ADGRG7: variants seen among roughly 807,000 people sequenced by gnomAD.
ADGRG7 encodes adhesion G protein-coupled receptor G7.
In ADGRG7, 82 loss-of-function variants were observed where a neutral mutation model predicts 88.6. The ratio of observed to expected loss-of-function variants is 0.93; its 90% CI spans 0.77 to 1.11. The LOEUF (loss-of-function observed/expected upper bound fraction) is 1.11. Ranked by LOEUF, ADGRG7 falls within the 50% of genes most tolerant of loss-of-function variation. The probability of loss-of-function intolerance (pLI) is 0.00; values close to 1 mark genes in which losing one functional copy is unlikely to be tolerated. For missense variants in ADGRG7, 945 were observed against 953.4 expected (o/e 0.99, Z 0.12); for synonymous variants, 381 against 345.2 (o/e 1.10, Z -1.15).
intron 15 of ADGRG7, among the ~76,000 whole-genome samples, chr3:100,689,279 G>A (rs531670186): frequency 0.032 from 4,920 of 152,136 alleles, 269 homozygotes; most frequent in African/African-American, 0.11. Flanking sequence ...GTCTCTGCAC[G>A]TGAGATGTGT....
In ADGRG7 at chr3:100,638,348, C is replaced by T. The variant is rs184899715; in HGVS notation, c.698+946C>T. Among the ~76,000 whole-genome samples, 32 of 152,278 alleles carry T rather than the reference C, an allele frequency of 2.1e-4. No individual in the cohort carries two copies. In the East Asian group the frequency reaches 6.2e-3, roughly 29 times the overall value. ...GAAAGTGGGTGGGAAGGGCAGGTTG[C>T]TCTCCCCTGAAGTCAAGTCACCTCT... On this transcript the variant is annotated intron_variant, in intron 6 of 15. Coordinates refer to ENST00000273352, the MANE Select transcript of ADGRG7 (RefSeq NM_032787.3).
At position 100,653,696 on chromosome 3, in the gene ADGRG7, T is replaced by C. The variant is rs948754823; in HGVS notation, c.1380-1139T>C. ...GTCTTGCTGGAGTCTTGCAGTCAGA[T>C]GGCGGCTGGGCCAGAGTCATCTGGA... On this transcript the variant is annotated intron_variant, in intron 11 of 15. Transcript: ENST00000273352. 2.6e-5 allele frequency among the ~76,000 whole-genome samples: 4 copies of C among 152,216 alleles called. No homozygotes were observed. In the South Asian group the frequency reaches 8.3e-4, roughly 31 times the overall value.
Position 100,669,059 on chromosome 3 carries a change from TCAGG to T in ADGRG7, c.2091_2094del (p.Arg698SerfsTer37). 6.2e-7 allele frequency: 1 copy of T among 1,601,920 alleles called. No homozygotes were observed. The highest frequency in any genetic ancestry group is 8.5e-7 in the Non-Finnish European group (1 of 1,174,932). On this transcript the variant is annotated frameshift_variant, in exon 15 of 16. Transcript: ENST00000273352. LOFTEE classifies it high-confidence loss of function. ...CTGATGCTAGTTAATGATGATAGCA[TCAGG>T]ATCGTCTTCAGCTACATATTCTGCC...
At chr3:100,618,100 T>G (rs914136074) in intron 1 of ADGRG7, among the ~76,000 whole-genome samples, 4 of 152,204 alleles carry the variant, frequency 2.6e-5, no homozygotes, top group African/African-American at 9.6e-5. Context: ...GAGTTCATTG[T>G]AGATTCTGGA....
chr3:100,677,606 G>A (rs1339796011), intron 15 of ADGRG7, among the ~76,000 whole-genome samples: 2 of 151,986 alleles, frequency 1.3e-5, no homozygotes, highest in Non-Finnish European at 2.9e-5. Flanking sequence ...TGTAGGTCAG[G>A]GCTGGTGTTG....
chr3:100,639,124 T>A (rs1156995931), intron 6 of ADGRG7, among the ~76,000 whole-genome samples: 2 of 152,026 alleles, frequency 1.3e-5, no homozygotes, highest in African/African-American at 4.8e-5. Context: ...CCTTACAAAC[T>A]TTTTTCTGTA....
intron 15 of ADGRG7, among the ~76,000 whole-genome samples, chr3:100,671,896 T>A (rs532841753): frequency 7.2e-5 from 11 of 152,280 alleles, no homozygotes; most frequent in Non-Finnish European, 1.0e-4. Context: ...GAGGCCTCTA[T>A]TCTGTTCCAT....
rs1312468247 is a variant in ADGRG7 at position 100,643,596 on chromosome 3, A to G, written c.909A>G (p.Ala303=). Residue 303 remains alanine (A), a synonymous_variant, in exon 8 of 16, where the codon GCA becomes GCG. Coordinates refer to ENST00000273352, the MANE Select transcript of ADGRG7 (RefSeq NM_032787.3). ...HTNVDGLNPD[A]QTELQVLLNM... ...ATGTGGATGGCCTTAACCCAGATGC[A>G]CAGACTGAGCTTCAGGTCTTGCTTA... 2.5e-6 allele frequency: 4 copies of G among 1,613,936 alleles called. No homozygotes were observed. Among genetic ancestry groups the G allele is most frequent in the South Asian group, 1.1e-5 (1 of 91,020 alleles).
intron 1 of ADGRG7, among the ~76,000 whole-genome samples, chr3:100,612,943 G>T (rs1182500976): frequency 6.6e-6 from 1 of 152,228 alleles, no homozygotes; most frequent in Admixed American, 6.5e-5. Flanking sequence ...AGGCTGGACT[G>T]TGGTGGCATG....
At chr3:100,635,874 G>T (rs764309882) in intron 5 of ADGRG7, 48 bp downstream of exon 5, 1 of 1,379,152 alleles carries the variant, frequency 7.3e-7, no homozygotes, top group Non-Finnish European at 1.0e-6. Flanking sequence ...ATTTTTAGAG[G>T]GGGTGTTGGG....
intron 1 of ADGRG7, among the ~76,000 whole-genome samples, chr3:100,611,244 T>TTTCCTTCTTTCC (rs1553689158): frequency 0.02 from 1,312 of 64,784 alleles, 7 homozygotes; most frequent in Middle Eastern, 0.069. Flanking sequence ...TTTGTTTGTT[T>TTTCCTTCTTTCC]TTCCTTCCTT....
At chr3:100,661,458 C>T (rs758847219) in intron 14 of ADGRG7, among the ~76,000 whole-genome samples, 1 of 152,106 alleles carries the variant, frequency 6.6e-6, no homozygotes, top group Non-Finnish European at 1.5e-5. Context: ...CCATGCTTAA[C>T]AAAAGACTGT....
At position 100,669,114 on chromosome 3, in the gene ADGRG7, C is replaced by T. The variant is rs113704770; in HGVS notation, c.2136+9C>T. The stretch of plus-strand genomic sequence containing the variant: ...TTTTCAACACTACACAGGTATGGTG[C>T]GGATTAGTCTGAAAGTAGCAGAACA... On this transcript the variant is annotated intron_variant, in intron 15 of 15. Transcript: ENST00000273352. The T allele has an allele frequency of 1.1e-5, 17 of 1,525,222 alleles. No individual in the cohort carries two copies. Among genetic ancestry groups the T allele is most frequent in the Middle Eastern group, 1.7e-4 (1 of 5,796 alleles). The allele number at this position is 1,525,222 out of a possible 1,614,324, so 94.5% of individuals were successfully genotyped here. A position where few individuals can be genotyped will look rare whatever the true frequency, so the allele number is the denominator to read the frequency against.
Position 100,609,962 on chromosome 3 carries a change from A to T in ADGRG7, c.106A>T (p.Ile36Phe), listed in dbSNP as rs781158733. 1.2e-6 allele frequency: 2 copies of T among 1,612,508 alleles called. No homozygotes were observed. The highest frequency in any genetic ancestry group is 2.7e-5 in the African/African-American group (2 of 75,010). The change falls in exon 1 of 16, where the codon ATC becomes TTC. Residue 36 changes from isoleucine (I) to phenylalanine (F), a missense_variant. By Grantham distance (21) the Ile-to-Phe change is conservative. Transcript: ENST00000273352. ...GLGIWRIVIR[I>F]QRGKSTSSSS... ...GGGCATCTGGAGGATTGTGATCAGG[A>T]TCCAAAGAGGTAATGTTGTCCTGCT...
chr3:100,643,658 TA>T (rs1559677352), intron 8 of ADGRG7, 25 bp downstream of exon 8: 4 of 1,476,294 alleles, frequency 2.7e-6, no homozygotes, highest in Admixed American at 1.8e-5. Flanking sequence ...TTGTGACATT[TA>T]AAAAAATGGA....
intron 10 of ADGRG7, among the ~76,000 whole-genome samples, chr3:100,647,620 G>A (rs1174382203): frequency 2.6e-5 from 4 of 152,162 alleles, no homozygotes; most frequent in Non-Finnish European, 5.9e-5. Context: ...CTGTGCATGC[G>A]TCTCTCAAGG....
chr3:100,665,184 C>G (rs1471881829), intron 14 of ADGRG7: 1 of 539,518 alleles, frequency 1.9e-6, no homozygotes, highest in Non-Finnish European at 3.8e-6. Flanking sequence ...ATTTGTTGTT[C>G]AGGCTTACAT....
intron 3 of ADGRG7, among the ~76,000 whole-genome samples, chr3:100,632,649 T>A (rs1707473198): frequency 6.6e-6 from 1 of 152,176 alleles, no homozygotes; most frequent in Non-Finnish European, 1.5e-5. Context: ...ATTTCAGTGT[T>A]TCTAGTTGTT....
intron 15 of ADGRG7, among the ~76,000 whole-genome samples, chr3:100,692,022 G>A (rs1330393139): frequency 3.3e-5 from 5 of 152,146 alleles, no homozygotes; most frequent in Non-Finnish European, 7.3e-5. Context: ...TGCTAAGAAC[G>A]GTAACTACAG....
Sources: allele counts gnomAD v4.1 joint callset (sites outside exome capture counted in the v4.1 genomes callset), GRCh38; gene constraint gnomAD v4.1.1; transcripts MANE v1.5; gene names NCBI Gene and HGNC (gene_info 2026-07-23, HGNC 2026-07-21).